The following TENM3 variants were observed in gnomAD, a reference collection of about 807,000 sequenced individuals.
TENM3 encodes teneurin transmembrane protein 3.
A neutral mutation model predicts 255.1 loss-of-function variants in TENM3; 63 were observed. The ratio of observed to expected loss-of-function variants is 0.25; its 90% CI spans 0.20 to 0.30. The LOEUF is 0.30. Ranked by LOEUF, TENM3 falls within the 10% of genes least tolerant of loss-of-function variation. TENM3 has a pLI of 1.00. For synonymous variants in TENM3, 1,306 were observed against 1,322.3 expected (o/e 0.99, Z 0.27); for missense variants, 2,929 against 3,461.1 (o/e 0.85, Z 3.86).
the TENM3 span, among the ~76,000 whole-genome samples, chr4:181,989,552 T>A: frequency 4.6e-5 from 7 of 152,172 alleles, no homozygotes; most frequent in Non-Finnish European, 7.4e-5. Context: ...ACTTACAACA[T>A]CTCCGTTTAA....
chr4:181,552,662 G>A, the TENM3 span, among the ~76,000 whole-genome samples: 2 of 152,256 alleles, frequency 1.3e-5, no homozygotes, highest in East Asian at 3.9e-4. Flanking sequence ...TTACTGGGGG[G>A]AAAATGGGCT....
At chr4:182,620,768 GC>G (rs1250127254) in intron 4 of TENM3, among the ~76,000 whole-genome samples, 1 of 152,044 alleles carries the variant, frequency 6.6e-6, no homozygotes, top group Non-Finnish European at 1.5e-5. Flanking sequence ...TTGCTCTGTT[GC>G]CCAGGCTGCA....
chr4:182,702,376 C>G (rs1358844435), intron 12 of TENM3, among the ~76,000 whole-genome samples: 1 of 152,114 alleles, frequency 6.6e-6, no homozygotes, highest in African/African-American at 2.4e-5. Context: ...CAGAATGGAC[C>G]CTGGGGCTTA....
At chr4:182,479,140 A>G (rs1733952524) in intron 3 of TENM3, among the ~76,000 whole-genome samples, 1 of 151,938 alleles carries the variant, frequency 6.6e-6, no homozygotes, top group Non-Finnish European at 1.5e-5. Flanking sequence ...TTAAGTGTTC[A>G]GTTTAGTTTC....
chr4:182,344,089 T>G (rs1580228010), intron 2 of TENM3, among the ~76,000 whole-genome samples: 1 of 81,726 alleles, frequency 1.2e-5, no homozygotes, highest in Non-Finnish European at 3.3e-5. Context: ...TTTTAAGTGA[T>G]TTTTTTCATT....
At chr4:182,055,349 C>CAATAAATA in the TENM3 span, among the ~76,000 whole-genome samples, 1,573 of 148,862 alleles carry the variant, frequency 0.011, 17 homozygotes, top group African/African-American at 0.031. Context: ...TGTCTCAAAA[C>CAATAAATA]AATAAATAAA....
chr4:182,688,415 G>T, intron 12 of TENM3, 64 bp downstream of exon 12: 1 of 1,300,304 alleles, frequency 7.7e-7, no homozygotes, highest in Non-Finnish European at 1.0e-6. Flanking sequence ...ACGGTCAGCT[G>T]TTTTCAACTT....
At chr4:182,188,539 T>G (rs1186623222) in intron 1 of TENM3, among the ~76,000 whole-genome samples, 1 of 152,248 alleles carries the variant, frequency 6.6e-6, no homozygotes, top group Admixed American at 6.5e-5. Flanking sequence ...GGTTTTGTTT[T>G]CATTTTAAAA....
chr4:182,377,342 C>G (rs183495561), intron 3 of TENM3, among the ~76,000 whole-genome samples: 3 of 151,964 alleles, frequency 2.0e-5, no homozygotes, highest in Non-Finnish European at 4.4e-5. Flanking sequence ...GAGACAGAGT[C>G]TTGCTCTGTC....
At chr4:182,683,567 A>G (rs1756335243) in intron 11 of TENM3, among the ~76,000 whole-genome samples, 2 of 152,244 alleles carry the variant, frequency 1.3e-5, no homozygotes, top group Non-Finnish European at 2.9e-5. Flanking sequence ...ATTGTGAGAA[A>G]TATCATTATA....
chr4:182,205,895 C>T (rs1378898907), intron 1 of TENM3, among the ~76,000 whole-genome samples: 1 of 151,948 alleles, frequency 6.6e-6, no homozygotes, highest in African/African-American at 2.4e-5. Context: ...AAAATTAAGC[C>T]AGCGGACAAT....
At position 182,487,115 on chromosome 4, in the gene TENM3, G is replaced by A. The variant is rs375524209; in HGVS notation, c.512-113809G>A. On this transcript the variant is annotated intron_variant, in intron 3 of 27. Transcript: ENST00000511685. ...CTTTAACCCGCTAATTCTTGCACGT[G>A]GTTTCTAGAATTTGGTGAGTCACCA... Among the ~76,000 whole-genome samples the A allele has an allele frequency of 3.9e-5, 6 of 152,240 alleles. No individual in the cohort carries two copies. In the East Asian group the frequency reaches 7.7e-4, roughly 20 times the overall value.
chr4:182,107,041 T>C, the TENM3 span, among the ~76,000 whole-genome samples: 31,713 of 151,984 alleles, frequency 0.21, 3,379 homozygotes, highest in Middle Eastern at 0.3. Flanking sequence ...TGTACTTGTC[T>C]AGAATATATT....
chr4:181,458,177 T>C, the TENM3 span, among the ~76,000 whole-genome samples: 1 of 151,940 alleles, frequency 6.6e-6, no homozygotes, highest in African/African-American at 2.4e-5. Context: ...ATCAAGATAA[T>C]ATATTCTTTT....
chr4:182,467,107 A>G (rs1236719975), intron 3 of TENM3, among the ~76,000 whole-genome samples: 1 of 152,188 alleles, frequency 6.6e-6, no homozygotes, highest in Non-Finnish European at 1.5e-5. Context: ...TTTAAAAACT[A>G]GAAACAAAAA....
At chr4:181,491,377 T>C in the TENM3 span, among the ~76,000 whole-genome samples, 1 of 152,034 alleles carries the variant, frequency 6.6e-6, no homozygotes, top group Non-Finnish European at 1.5e-5. Flanking sequence ...AAAGTAAATG[T>C]GTATGTTGAT....
intron 3 of TENM3, among the ~76,000 whole-genome samples, chr4:182,520,821 A>ACAT (rs1387364485): frequency 5.3e-5 from 8 of 152,326 alleles, no homozygotes; most frequent in African/African-American, 1.9e-4. Flanking sequence ...TGAAATTCAT[A>ACAT]CATCAGCTCT....
chr4:181,721,543 T>G, the TENM3 span, among the ~76,000 whole-genome samples: 47 of 43,304 alleles, frequency 1.1e-3, no homozygotes, highest in Middle Eastern at 0.013. Context: ...GAGCTTGCAG[T>G]GAGCCGAGAT....
intron 1 of TENM3, among the ~76,000 whole-genome samples, chr4:182,186,762 CATATATAT>C (rs70954298): frequency 0.026 from 710 of 27,178 alleles, 8 homozygotes; most frequent in Non-Finnish European, 0.031. Flanking sequence ...ACTAATGCAT[CATATATAT>C]ATATATATAT....
Sources: gnomAD v4.1 joint callset for allele counts (sites outside exome capture counted in the v4.1 genomes callset) on GRCh38, gnomAD v4.1.1 for gene constraint, MANE v1.5 for transcripts, NCBI Gene and HGNC (gene_info 2026-07-23, HGNC 2026-07-21) for gene names.